The following NRG1 variants were observed in gnomAD, a reference collection of about 807,000 sequenced individuals.
NRG1 encodes pro-neuregulin-1, membrane-bound isoform.
NRG1 carries 18 observed loss-of-function variants against 63.8 expected under a neutral mutation model. The observed-to-expected ratio is 0.28, with a 90% CI of 0.19 to 0.42. The LOEUF (loss-of-function observed/expected upper bound fraction) is 0.42. Among genes scored for constraint, NRG1 ranks in the 10% least tolerant of loss-of-function variants. The probability of loss-of-function intolerance (pLI) is 1.00; values close to 1 mark genes in which losing one functional copy is unlikely to be tolerated. For missense variants in NRG1, 762 were observed against 814.7 expected, an observed-to-expected ratio of 0.94 and a Z score of 0.79; for synonymous variants, 302 against 301.3, an observed-to-expected ratio of 1.00 and a Z score of -0.02.
At chr8:32,302,198 G>C (rs745684458) in intron 1 of NRG1, among the ~76,000 whole-genome samples, 2 of 152,174 alleles carry the variant, frequency 1.3e-5, no homozygotes, top group African/African-American at 4.8e-5. Flanking sequence ...AGGTTTCCTT[G>C]AGGTGAAATC....
chr8:31,850,407 G>T (rs1397491613), intron 1 of NRG1, among the ~76,000 whole-genome samples: 1 of 152,116 alleles, frequency 6.6e-6, no homozygotes, highest in African/African-American at 2.4e-5. Context: ...TTGCACTCTT[G>T]GTTCTTCCGC....
At chr8:32,269,029 C>T (rs1266739519) in intron 1 of NRG1, among the ~76,000 whole-genome samples, 1 of 152,060 alleles carries the variant, frequency 6.6e-6, no homozygotes, top group African/African-American at 2.4e-5. Context: ...AAGAAAATCA[C>T]TTTACCTCCT....
chr8:31,762,396 A>G (rs1329411334), intron 1 of NRG1, among the ~76,000 whole-genome samples: 3 of 152,194 alleles, frequency 2.0e-5, no homozygotes, highest in African/African-American at 4.8e-5. Context: ...TATGGCTGCA[A>G]AGTATTCCAT....
chr8:32,365,690 C>T (rs7834123), intron 1 of NRG1, among the ~76,000 whole-genome samples: 20,244 of 151,956 alleles, frequency 0.13, 1,616 homozygotes, highest in Middle Eastern at 0.21. Context: ...TGGCCTTGGG[C>T]GAAAAAGCAG....
chr8:31,849,574 C>G (rs1411958659), intron 1 of NRG1, among the ~76,000 whole-genome samples: 1 of 152,168 alleles, frequency 6.6e-6, no homozygotes, highest in Non-Finnish European at 1.5e-5. Context: ...TATGAGAAAG[C>G]CACAATGAAC....
At chr8:32,160,125 G>A (rs1209062596) in intron 1 of NRG1, among the ~76,000 whole-genome samples, 5 of 152,184 alleles carry the variant, frequency 3.3e-5, no homozygotes, top group Admixed American at 6.5e-5. Flanking sequence ...ACTTCTGGAA[G>A]CAAAATTCAG....
At chr8:32,189,131 A>G (rs1456300029) in intron 1 of NRG1, among the ~76,000 whole-genome samples, 1 of 152,006 alleles carries the variant, frequency 6.6e-6, no homozygotes, top group East Asian at 1.9e-4. Flanking sequence ...AGATTTCAAC[A>G]TTTGCTTTAG....
chr8:32,072,828 A>G (rs2131053156), intron 1 of NRG1, among the ~76,000 whole-genome samples: 1 of 152,294 alleles, frequency 6.6e-6, no homozygotes, highest in African/African-American at 2.4e-5. Context: ...GGCACAAATT[A>G]CAACTCCTAC....
chr8:32,410,345 T>C (rs976261172), intron 1 of NRG1, among the ~76,000 whole-genome samples: 3 of 151,894 alleles, frequency 2.0e-5, no homozygotes, highest in Non-Finnish European at 4.4e-5. Context: ...CATGCCCAGC[T>C]AATTTTTGCA....
At chr8:32,611,585 A>G (rs866713174) in intron 3 of NRG1, among the ~76,000 whole-genome samples, 2 of 152,078 alleles carry the variant, frequency 1.3e-5, no homozygotes, top group Non-Finnish European at 2.9e-5. Flanking sequence ...ATTAATTTCA[A>G]AATTTCTCAG....
At chr8:32,125,744 C>A (rs988945156) in intron 1 of NRG1, among the ~76,000 whole-genome samples, 1 of 151,908 alleles carries the variant, frequency 6.6e-6, no homozygotes, top group African/African-American at 2.4e-5. Flanking sequence ...TTCCCCAAGT[C>A]TTTTGATAAG....
At chr8:31,865,923 A>G (rs1347542494) in intron 1 of NRG1, among the ~76,000 whole-genome samples, 2 of 152,118 alleles carry the variant, frequency 1.3e-5, no homozygotes, top group Non-Finnish European at 2.9e-5. Flanking sequence ...GACTTTTTAC[A>G]TTTTGAGATC....
chr8:32,157,763 A>G (rs1048817965), intron 1 of NRG1, among the ~76,000 whole-genome samples: 1 of 151,654 alleles, frequency 6.6e-6, no homozygotes, highest in Admixed American at 6.6e-5. Context: ...AGGGAGAGAG[A>G]TACCAAGACA....
intron 1 of NRG1, among the ~76,000 whole-genome samples, chr8:32,372,336 A>G (rs1809007520): frequency 1.3e-5 from 2 of 151,482 alleles, no homozygotes; most frequent in African/African-American, 2.4e-5. Context: ...ATAGCTTTAA[A>G]CCCAGGCTCT....
chr8:32,718,450 C>T (rs1385935792), intron 5 of NRG1, among the ~76,000 whole-genome samples: 3 of 152,182 alleles, frequency 2.0e-5, no homozygotes, highest in South Asian at 2.1e-4. Flanking sequence ...TCACTAGTCT[C>T]ATCTCCATGT....
At chr8:32,306,514 A>G (rs1176924766) in intron 1 of NRG1, among the ~76,000 whole-genome samples, 1 of 152,298 alleles carries the variant, frequency 6.6e-6, no homozygotes, top group East Asian at 1.9e-4. Context: ...AAATTAATGG[A>G]CTCAGGGCTT....
At chr8:31,864,545 G>T (rs139744138) in intron 1 of NRG1, among the ~76,000 whole-genome samples, 64 of 152,110 alleles carry the variant, frequency 4.2e-4, no homozygotes, top group African/African-American at 1.5e-3. Flanking sequence ...CTTGAGGCAG[G>T]GGGGAATGAG....
At chr8:32,258,434 A>G (rs946694276) in intron 1 of NRG1, among the ~76,000 whole-genome samples, 5 of 152,232 alleles carry the variant, frequency 3.3e-5, no homozygotes, top group African/African-American at 9.6e-5. Flanking sequence ...CCCATTGCAC[A>G]GACAAGAAAA....
At chr8:32,567,861 G>T (rs895404111) in intron 1 of NRG1, among the ~76,000 whole-genome samples, 3 of 152,222 alleles carry the variant, frequency 2.0e-5, no homozygotes, top group African/African-American at 7.2e-5. Context: ...ACTTGAATTG[G>T]CAGTGTGTGC....
Sources: allele counts gnomAD v4.1 joint callset (sites outside exome capture counted in the v4.1 genomes callset), GRCh38; gene constraint gnomAD v4.1.1; transcripts MANE v1.5; gene names NCBI Gene and HGNC (gene_info 2026-07-23, HGNC 2026-07-21).